Variants in TMSB15B observed in about 807,000 individuals in gnomAD.
TMSB15B encodes thymosin beta 15B.
intron 1 of TMSB15B, among the ~76,000 whole-genome samples, chrX:103,925,448 A>G: frequency 8.9e-6 from 1 of 112,680 alleles, no homozygotes; most frequent in Non-Finnish European, 1.9e-5. Flanking sequence ...CCCCAAAATG[A>G]TTTACAAAAA....
intron 1 of TMSB15B, chrX:103,928,024 A>C: frequency 1.7e-6 from 1 of 603,012 alleles, no homozygotes; most frequent in Non-Finnish European, 2.5e-6. Context: ...TGCCAACGGA[A>C]TTAATTGGTC....
chrX:103,920,481 C>T (rs1212769060), intron 1 of TMSB15B, among the ~76,000 whole-genome samples: 1 of 112,086 alleles, frequency 8.9e-6, no homozygotes, highest in Non-Finnish European at 1.9e-5. Flanking sequence ...AGTAAATGGG[C>T]CTGTCATCAG....
intron 1 of TMSB15B, among the ~76,000 whole-genome samples, chrX:103,945,722 G>A (rs5945726): frequency 0.15 from 16,247 of 111,508 alleles, 1,052 homozygotes; most frequent in Middle Eastern, 0.41. Flanking sequence ...ATAAGGCATG[G>A]TTTCTGCTCT....
chrX:103,935,921 A>C (rs2074996607), intron 1 of TMSB15B, among the ~76,000 whole-genome samples: 1 of 99,286 alleles, frequency 1.0e-5, no homozygotes, highest in Admixed American at 1.2e-4. Flanking sequence ...ATCTCAGCTC[A>C]CCACGACCTC....
At chrX:103,938,068 G>C (rs1411328693) in intron 1 of TMSB15B, among the ~76,000 whole-genome samples, 4 of 111,630 alleles carry the variant, frequency 3.6e-5, no homozygotes, top group African/African-American at 1.3e-4. Flanking sequence ...CATTTGCTGA[G>C]GAGTGTTTTA....
intron 1 of TMSB15B, among the ~76,000 whole-genome samples, chrX:103,944,869 C>T (rs2075021353): frequency 8.9e-6 from 1 of 111,971 alleles, no homozygotes; most frequent in Admixed American, 9.4e-5. Flanking sequence ...TCTCACCTCC[C>T]CTGGGTTCAA....
At chrX:103,949,442 C>T (rs562210419) in intron 1 of TMSB15B, among the ~76,000 whole-genome samples, 4 of 112,033 alleles carry the variant, frequency 3.6e-5, no homozygotes, top group African/African-American at 9.7e-5. Flanking sequence ...TTCAACCTTA[C>T]GTGTACCAAT....
At chrX:103,920,295 G>C (rs1244394468) in intron 1 of TMSB15B, among the ~76,000 whole-genome samples, 1 of 111,347 alleles carries the variant, frequency 9.0e-6, no homozygotes, top group East Asian at 2.8e-4. Flanking sequence ...AATCATTTTG[G>C]AGAGCTTGTT....
At chrX:103,952,232 G>C (rs2075040872) in intron 1 of TMSB15B, among the ~76,000 whole-genome samples, 1 of 111,366 alleles carries the variant, frequency 9.0e-6, no homozygotes, top group Non-Finnish European at 1.9e-5. Flanking sequence ...TAACAATTAA[G>C]ACAGGACAAC....
chrX:103,950,129 G>A (rs1271786595), intron 1 of TMSB15B, among the ~76,000 whole-genome samples: 2 of 111,487 alleles, frequency 1.8e-5, no homozygotes, highest in African/African-American at 6.5e-5. Context: ...ATTTGTGGAG[G>A]TGGACCCACA....
intron 1 of TMSB15B, among the ~76,000 whole-genome samples, chrX:103,924,321 C>T (rs782340654): frequency 9.0e-6 from 1 of 111,315 alleles, no homozygotes; most frequent in South Asian, 3.8e-4. Context: ...AGCCTATGTG[C>T]CTTAGGCTAC....
At chrX:103,948,348 T>C (rs1385977304) in intron 1 of TMSB15B, among the ~76,000 whole-genome samples, 2 of 111,732 alleles carry the variant, frequency 1.8e-5, no homozygotes, top group East Asian at 5.6e-4. Context: ...CTGGTATGAA[T>C]GTAAATTGAT....
rs146711821 is a variant in TMSB15B, at chrX:103,928,021, G to A, written c.-721+8729G>A. On this transcript the variant is annotated intron_variant, in intron 1 of 3. Transcript: ENST00000419165. ...TTAAGCAATGAGAATGCTTGCCAAC[G>A]GAATTAATTGGTCGCTCTAATCTCT... is the stretch of plus-strand genomic sequence containing the variant. 1.6e-3 allele frequency: 928 copies of A among 580,959 alleles called. 4 individuals are homozygous for A. The highest frequency in any genetic ancestry group is 1.7e-3 in the Non-Finnish European group (642 of 379,411). 47.9% of individuals were successfully genotyped at this position (580,959 alleles called of 1,213,427 possible). A position where few individuals can be genotyped will look rare whatever the true frequency, so the allele number is the denominator to read the frequency against.
At chrX:103,949,333 TTTTGTG>T (rs1556327937) in intron 1 of TMSB15B, among the ~76,000 whole-genome samples, 1 of 111,871 alleles carries the variant, frequency 8.9e-6, no homozygotes, top group Admixed American at 9.5e-5. Context: ...TCTCTTTAAT[TTTTGTG>T]TTGAGAATGT....
In TMSB15B at chrX:103,948,491, C is replaced by T. The variant is rs782169615; in HGVS notation, c.-720-13530C>T. Among the ~76,000 whole-genome samples, 4 of 111,742 alleles carry T rather than the reference C, an allele frequency of 3.6e-5. 1 individual carries two copies. Among genetic ancestry groups the T allele is most frequent in the Admixed American group, 2.8e-4 (3 of 10,595 alleles). ...AGGCTATTGCAAGAACATGAACTGC[C>T]GCATTGCTTGTAATAGAAAAAATGG... is the stretch of plus-strand genomic sequence containing the variant. On this transcript the variant is annotated intron_variant, in intron 1 of 3. Coordinates refer to the TMSB15B transcript ENST00000419165.
chrX:103,943,547 C>G (rs1332172637), intron 1 of TMSB15B, among the ~76,000 whole-genome samples: 1 of 112,379 alleles, frequency 8.9e-6, no homozygotes, highest in Non-Finnish European at 1.9e-5. Context: ...TGCCACAACT[C>G]TTTTTATTGG....
At chrX:103,953,120 C>T in intron 1 of TMSB15B, among the ~76,000 whole-genome samples, 1 of 111,387 alleles carries the variant, frequency 9.0e-6, no homozygotes, top group East Asian at 2.8e-4. Context: ...CAACACAAAG[C>T]CAACGGAAGC....
At chrX:103,930,730 T>G (rs1222167821) in intron 1 of TMSB15B, among the ~76,000 whole-genome samples, 7 of 74,087 alleles carry the variant, frequency 9.4e-5, no homozygotes, top group African/African-American at 3.3e-4. Context: ...CTGTTGATAA[T>G]AATAATAATA....
intron 1 of TMSB15B, among the ~76,000 whole-genome samples, chrX:103,936,020 AT>A (rs1258736785): frequency 9.2e-6 from 1 of 108,550 alleles, no homozygotes; most frequent in Non-Finnish European, 1.9e-5. Flanking sequence ...CTAATTTTGT[AT>A]TTTTAGTAGA....
Sources: gnomAD v4.1 joint callset for allele counts (sites outside exome capture counted in the v4.1 genomes callset) on GRCh38, gnomAD v4.1.1 for gene constraint, MANE v1.5 for transcripts, NCBI Gene and HGNC (gene_info 2026-07-23, HGNC 2026-07-21) for gene names.